SYTL5: variants seen among roughly 807,000 people sequenced by gnomAD.
SYTL5 encodes the protein synaptotagmin like 5.
A neutral mutation model predicts 55.9 loss-of-function variants in SYTL5; 34 were observed. The ratio of observed to expected loss-of-function variants is 0.61; its 90% CI spans 0.46 to 0.81. The LOEUF (loss-of-function observed/expected upper bound fraction) is 0.81. Ranked by LOEUF, SYTL5 falls within the 30% of genes least tolerant of loss-of-function variation. The pLI, the probability that SYTL5 is intolerant of heterozygous loss-of-function variation, is 0.00. For missense variants in SYTL5, 637 were observed against 546.7 expected (o/e 1.17, Z -1.65); for synonymous variants, 221 against 188.7 (o/e 1.17, Z -1.40).
chrX:38,071,617 AC>A (rs1486118020), intron 3 of SYTL5, among the ~76,000 whole-genome samples: 1 of 111,201 alleles, frequency 9.0e-6, no homozygotes, highest in Non-Finnish European at 1.9e-5. Context: ...TTCATTCCAA[AC>A]CTTTACTTGA....
the SYTL5 span, among the ~76,000 whole-genome samples, chrX:37,987,901 A>G: frequency 9.0e-6 from 1 of 111,567 alleles, no homozygotes; most frequent in African/African-American, 3.3e-5. Context: ...GATAACGAAT[A>G]CTTTGTTTGC....
chrX:38,077,280 T>C (rs1936416253), intron 6 of SYTL5, among the ~76,000 whole-genome samples: 3 of 111,583 alleles, frequency 2.7e-5, no homozygotes, highest in African/African-American at 6.5e-5. Flanking sequence ...AGGCGTGATT[T>C]TCTGTATCCT....
chrX:37,898,512 T>C, the SYTL5 span, among the ~76,000 whole-genome samples: 1 of 112,307 alleles, frequency 8.9e-6, no homozygotes, highest in African/African-American at 3.2e-5. Flanking sequence ...CAGCACTCAA[T>C]CTTTTTTTCT....
chrX:38,049,800 A>G (rs1049274134), intron 2 of SYTL5, among the ~76,000 whole-genome samples: 4 of 112,326 alleles, frequency 3.6e-5, no homozygotes, highest in Non-Finnish European at 5.6e-5. Context: ...TCTATTCCAT[A>G]ATTATTATGT....
In SYTL5 at chrX:38,108,867, T is replaced by TGA. The variant is rs1239932819; in HGVS notation, c.1434+171_1434+172dup. The stretch of plus-strand genomic sequence containing the variant: ...TAACCTTGACTTTTCTAACATCTTT[T>TGA]GAGAAAAAGAAAACACTCTTACTCT... On this transcript the variant is annotated intron_variant, in intron 12 of 16. Coordinates refer to ENST00000297875, the MANE Select transcript of SYTL5 (RefSeq NM_138780.3). Among the ~76,000 whole-genome samples the TGA allele has an allele frequency of 7.1e-5, 8 of 112,559 alleles. No individual in the cohort carries two copies. In the East Asian group the frequency reaches 2.2e-3, roughly 31 times the overall value.
upstream of SYTL5, among the ~76,000 whole-genome samples, chrX:38,002,538 CTT>C (rs1346404260): frequency 8.9e-6 from 1 of 111,831 alleles, no homozygotes; most frequent in Non-Finnish European, 1.9e-5. Context: ...TGTTTCCTGA[CTT>C]TTGGATGATC....
Position 38,110,271 on chromosome X carries a change from T to C in SYTL5, c.1435-50T>C, listed in dbSNP as rs777143446. The C allele has an allele frequency of 3.3e-5, 34 of 1,028,354 alleles. No homozygotes were observed. The South Asian group carries it at 8.5e-4, about 26-fold the overall frequency. The allele number at this position is 1,028,354 out of a possible 1,213,427, so 84.7% of individuals were successfully genotyped here. On this transcript the variant is annotated intron_variant, in intron 12 of 16. Coordinates refer to ENST00000297875, the MANE Select transcript of SYTL5 (RefSeq NM_138780.3). ...AAGTAAATTTCGACCTCTCCTGGAA[T>C]TGGATAGAGCCCTCCTTGTGGAGTG...
At chrX:38,003,869 G>C (rs140757281), upstream of SYTL5, among the ~76,000 whole-genome samples, 1 of 111,255 alleles carries the variant, frequency 9.0e-6, no homozygotes, top group African/African-American at 3.3e-5. Context: ...TTCTCTTTTG[G>C]GTATAAGCCA....
Position 38,106,612 on chromosome X carries a change from T to A in SYTL5, c.1175T>A (p.Met392Lys). The change falls in exon 11 of 17, where the codon ATG becomes AAG. Residue 392 changes from methionine (M) to lysine (K), a missense_variant. Coordinates refer to ENST00000297875, the MANE Select transcript of SYTL5 (RefSeq NM_138780.3). ...TTCCAGACCAGCCTTAACAGCATGA[T>A]GAGCGTTTACAGTGAAACGGGAGAC... ...GLSTTSLNSMMSVYSETGDYG... is the reference protein window; with the variant it reads ...GLSTTSLNSMKSVYSETGDYG... The A allele has an allele frequency of 1.7e-6, 2 of 1,202,550 alleles. No individual in the cohort carries two copies. The highest frequency in any genetic ancestry group is 2.2e-6 in the Non-Finnish European group (2 of 891,960).
At position 38,094,369 on chromosome X, in the gene SYTL5, C is replaced by T; in HGVS notation, c.906C>T (p.Arg302=). 3.3e-6 allele frequency: 4 copies of T among 1,206,816 alleles called. No homozygotes were observed. The highest frequency in any genetic ancestry group is 3.5e-5 in the African/African-American group (2 of 57,675). The change falls in exon 8 of 17, where the codon CGC becomes CGT. Residue 302 remains arginine, a synonymous_variant. Coordinates refer to ENST00000297875, the MANE Select transcript of SYTL5 (RefSeq NM_138780.3). Reference sequence around the variant, plus strand: ...CTCAGGAGCTCACAAAGAGTCACCGCAGAAACACTTCTGGCACACCTTCCA... The same window carrying T: ...CTCAGGAGCTCACAAAGAGTCACCGTAGAAACACTTCTGGCACACCTTCCA... ...GTSQELTKSH[R]RNTSGTPSIA... is the part of the protein sequence containing the mutation.
rs1602320384 is a variant in SYTL5 at position 38,030,189 on chromosome X, C to T, written c.-356-3345C>T. 3.6e-5 allele frequency among the ~76,000 whole-genome samples: 4 copies of T among 111,218 alleles called. No individual in the cohort carries two copies. The Admixed American group carries it at 3.9e-4, about 11-fold the overall frequency. ...ATATTCCCCCAATAACTGCCATTAG[C>T]CTTCCCCAAAAGTATATTTCCTACC... On this transcript the variant is annotated intron_variant, in intron 1 of 16. Transcript: ENST00000297875.
chrX:38,053,320 C>A (rs1317077800), intron 2 of SYTL5, among the ~76,000 whole-genome samples: 1 of 112,625 alleles, frequency 8.9e-6, no homozygotes, highest in African/African-American at 3.2e-5. Flanking sequence ...ATGTACCAAG[C>A]AGCATGCTGG....
At position 38,076,717 on chromosome X, in the gene SYTL5, A is replaced by C; in HGVS notation, c.689+16A>C. On this transcript the variant is annotated intron_variant, in intron 6 of 16. Coordinates refer to ENST00000297875, the MANE Select transcript of SYTL5 (RefSeq NM_138780.3). ...GTTCAGACAGGTAAGAGTCATACAG[A>C]TTGAGCAATGATGTAGCCTGAGGTT... The C allele has an allele frequency of 8.3e-7, 1 of 1,204,867 alleles. No homozygotes were observed. Among genetic ancestry groups the C allele is most frequent in the African/African-American group, 1.7e-5 (1 of 57,484 alleles).
Position 38,033,893 on chromosome X carries a change from T to C in SYTL5, c.4T>C (p.Ser2Pro). The C allele has an allele frequency of 8.7e-7, 1 of 1,147,302 alleles. No homozygotes were observed. Among genetic ancestry groups the C allele is most frequent in the Non-Finnish European group, 1.2e-6 (1 of 842,195 alleles). 94.6% of individuals were successfully genotyped at this position (1,147,302 alleles called of 1,213,427 possible). ...TCAGAGCTGCTGCTGAAATACCATG[T>C]CTAAGAACTCAGAGTTCATCAATCT... M[S>P]KNSEFINLSF... The change falls in exon 2 of 17, where the codon TCT becomes CCT. Residue 2 changes from serine (S) to proline (P), a missense_variant. By Grantham distance (74) the Ser-to-Pro change is moderately conservative. Transcript: ENST00000297875.
At chrX:38,111,864 A>T (rs1181460740) in intron 13 of SYTL5, among the ~76,000 whole-genome samples, 1 of 112,151 alleles carries the variant, frequency 8.9e-6, no homozygotes, top group Admixed American at 9.4e-5. Flanking sequence ...CCTGGTTCTG[A>T]AGAAGGGAAC....
At chrX:38,077,400 C>T (rs1389328708) in intron 6 of SYTL5, among the ~76,000 whole-genome samples, 1 of 111,417 alleles carries the variant, frequency 9.0e-6, no homozygotes, top group East Asian at 2.8e-4. Flanking sequence ...TGTTAACTCC[C>T]TTTCGTTTGC....
At chrX:38,011,550 C>T (rs1396793573) in intron 1 of SYTL5, among the ~76,000 whole-genome samples, 10 of 109,781 alleles carry the variant, frequency 9.1e-5, no homozygotes, top group Admixed American at 6.8e-4. Flanking sequence ...AGGAGAATGG[C>T]GTGAACCCAG....
rs1033681217 is a variant in SYTL5, at chrX:38,091,996, A to C, written c.832-2299A>C. On this transcript the variant is annotated intron_variant, in intron 7 of 16. Coordinates refer to ENST00000297875, the MANE Select transcript of SYTL5 (RefSeq NM_138780.3). ...CTAAGCTGGTCTTTTCTAAGAGAAA[A>C]AAAGAAACAAAGAGAAGTACTTTCT... Among the ~76,000 whole-genome samples, 6 of 112,134 alleles carry C rather than the reference A, an allele frequency of 5.4e-5. No individual in the cohort carries two copies. The East Asian group carries it at 1.7e-3, about 31-fold the overall frequency.
intron 3 of SYTL5, among the ~76,000 whole-genome samples, chrX:38,070,428 C>A (rs1936227053): frequency 1.8e-5 from 2 of 110,565 alleles, no homozygotes; most frequent in South Asian, 7.8e-4. Context: ...TGTGTCTTTC[C>A]CTTTACTCCT....
Sources: gnomAD v4.1 joint callset for allele counts (sites outside exome capture counted in the v4.1 genomes callset) on GRCh38, gnomAD v4.1.1 for gene constraint, MANE v1.5 for transcripts, NCBI Gene and HGNC (gene_info 2026-07-23, HGNC 2026-07-21) for gene names.